CSMD1: variants seen among roughly 807,000 people sequenced by gnomAD.
CSMD1 encodes CUB and sushi domain-containing protein 1.
A neutral mutation model predicts 417.5 loss-of-function variants in CSMD1; 213 were observed. The ratio of observed to expected loss-of-function variants is 0.51; its 90% CI spans 0.46 to 0.57. The LOEUF (loss-of-function observed/expected upper bound fraction) is 0.57. Ranked by LOEUF, CSMD1 falls within the 20% of genes least tolerant of loss-of-function variation. The pLI, the probability that CSMD1 is intolerant of heterozygous loss-of-function variation, is 0.00. For synonymous variants in CSMD1, 2,862 were observed against 1,736.8 expected (o/e 1.65, Z -16.11); for missense variants, 6,923 against 4,529.7 (o/e 1.53, Z -15.17).
intron 11 of CSMD1, among the ~76,000 whole-genome samples, chr8:3,484,631 C>A (rs1472330501): frequency 3.9e-5 from 6 of 152,126 alleles, no homozygotes; most frequent in African/African-American, 1.4e-4. Context: ...TTGAAACCCA[C>A]ATGAAGAAAG....
intron 5 of CSMD1, among the ~76,000 whole-genome samples, chr8:3,785,005 C>T (rs571470553): frequency 1.3e-5 from 2 of 152,270 alleles, no homozygotes; most frequent in African/African-American, 2.4e-5. Flanking sequence ...GATTCTCTAG[C>T]TAAACAGTTA....
At chr8:3,919,289 C>G (rs997358282) in intron 5 of CSMD1, among the ~76,000 whole-genome samples, 2 of 150,994 alleles carry the variant, frequency 1.3e-5, no homozygotes, top group African/African-American at 4.9e-5. Context: ...GTTTGGGTAT[C>G]GCACTGAAGT....
At chr8:3,961,533 T>C (rs1485919936) in intron 5 of CSMD1, among the ~76,000 whole-genome samples, 1 of 152,186 alleles carries the variant, frequency 6.6e-6, no homozygotes, top group African/African-American at 2.4e-5. Flanking sequence ...GTGAAGACAA[T>C]AGGAAATCTA....
intron 54 of CSMD1, among the ~76,000 whole-genome samples, chr8:2,995,753 G>C (rs1453461014): frequency 6.6e-6 from 1 of 152,128 alleles, no homozygotes; most frequent in Admixed American, 6.5e-5. Context: ...CCACAACTTG[G>C]ATGAATCTCC....
At position 4,123,965 on chromosome 8, in the gene CSMD1, A is replaced by G. The variant is rs559134858; in HGVS notation, c.416-91866T>C. Among the ~76,000 whole-genome samples, 27 of 152,346 alleles carry G rather than the reference A, an allele frequency of 1.8e-4. No individual in the cohort carries two copies. The South Asian group carries it at 5.6e-3, about 32-fold the overall frequency. ...TTACAACTCAAAAAAGCTGGAAAAA[A>G]GTTTCTGATGTACAGGAAACAAAGA... On this transcript the variant is annotated intron_variant, in intron 3 of 69. Coordinates refer to ENST00000635120, the MANE Select transcript of CSMD1 (RefSeq NM_033225.6).
intron 3 of CSMD1, among the ~76,000 whole-genome samples, chr8:4,268,637 A>T (rs139862196): frequency 0.012 from 1,894 of 152,254 alleles, 46 homozygotes; most frequent in African/African-American, 0.044. Flanking sequence ...TTCACAGAAA[A>T]CCTAAAAATC....
intron 7 of CSMD1, among the ~76,000 whole-genome samples, chr8:3,628,921 G>A (rs1393833300): frequency 6.6e-6 from 1 of 151,106 alleles, no homozygotes; most frequent in Non-Finnish European, 1.5e-5. Flanking sequence ...AATAAGAGAA[G>A]GAATAAAAAG....
In CSMD1 at chr8:4,583,488, C is replaced by A. The variant is rs1297087751; in HGVS notation, c.302+53854G>T. 2.0e-5 allele frequency among the ~76,000 whole-genome samples: 3 copies of A among 152,164 alleles called. No individual in the cohort carries two copies. The East Asian group carries it at 5.8e-4, about 30-fold the overall frequency. On this transcript the variant is annotated intron_variant, in intron 2 of 69. Coordinates refer to ENST00000635120, the MANE Select transcript of CSMD1 (RefSeq NM_033225.6). ...ATGGGGCCTTGGAGAACCTTTATGT[C>A]TAGCTCAGGGATTGTAAATACACCA... is the stretch of plus-strand genomic sequence containing the variant.
chr8:4,008,731 C>T (rs1816326834), intron 4 of CSMD1, among the ~76,000 whole-genome samples: 1 of 151,068 alleles, frequency 6.6e-6, no homozygotes, highest in Non-Finnish European at 1.5e-5. Flanking sequence ...CTGCCTCAGC[C>T]TCCTGAGTAG....
intron 3 of CSMD1, among the ~76,000 whole-genome samples, chr8:4,205,891 C>G (rs899249388): frequency 1.3e-5 from 2 of 152,144 alleles, no homozygotes; most frequent in African/African-American, 4.8e-5. Flanking sequence ...ATGCACTGTG[C>G]AGAAAATCAG....
intron 7 of CSMD1, among the ~76,000 whole-genome samples, chr8:3,698,084 TATG>T (rs1800655866): frequency 6.6e-6 from 1 of 152,210 alleles, no homozygotes. Context: ...ATATAAACGG[TATG>T]ATGAATAATT....
intron 3 of CSMD1, among the ~76,000 whole-genome samples, chr8:4,196,770 C>A (rs1421664933): frequency 2.0e-5 from 3 of 152,070 alleles, no homozygotes; most frequent in African/African-American, 7.2e-5. Flanking sequence ...TCTGTAAACC[C>A]CTTTTTCCCA....
chr8:4,162,810 G>T (rs892767264), intron 3 of CSMD1, among the ~76,000 whole-genome samples: 12 of 152,142 alleles, frequency 7.9e-5, no homozygotes, highest in Non-Finnish European at 1.5e-4. Flanking sequence ...CATGCTATGG[G>T]TGTGGATAAA....
intron 38 of CSMD1, among the ~76,000 whole-genome samples, chr8:3,159,199 G>C (rs1189806722): frequency 6.6e-6 from 1 of 152,022 alleles, no homozygotes; most frequent in East Asian, 1.9e-4. Context: ...TTTCATCAGA[G>C]ACTACCAATA....
At position 3,904,970 on chromosome 8, in the gene CSMD1, G is replaced by A. The variant is rs149837710; in HGVS notation, c.818+92933C>T. Among the ~76,000 whole-genome samples, 671 of 152,068 alleles carry A rather than the reference G, an allele frequency of 4.4e-3. 5 individuals are homozygous for A. The highest frequency in any genetic ancestry group is 8.0e-3 in the Non-Finnish European group (543 of 67,992). ...CGTATTTTCCTTATCTGACATTTAA[G>A]GTCAAAGAGGAAGAAGTACCAAGTT... On this transcript the variant is annotated intron_variant, in intron 5 of 69. Transcript: ENST00000635120.
intron 5 of CSMD1, among the ~76,000 whole-genome samples, chr8:3,772,178 A>ATATATATATATT (rs2129059248): frequency 1.5e-5 from 1 of 66,060 alleles, no homozygotes; most frequent in East Asian, 4.1e-4. Context: ...ATATATATAT[A>ATATATATATATT]TATATATATA....
intron 3 of CSMD1, among the ~76,000 whole-genome samples, chr8:4,318,755 C>T (rs926670038): frequency 2.7e-5 from 4 of 148,594 alleles, no homozygotes; most frequent in Non-Finnish European, 5.9e-5. Flanking sequence ...TTGTACAGAT[C>T]AACCAATAGA....
chr8:4,911,048 CT>C, intron 1 of CSMD1, among the ~76,000 whole-genome samples: 1 of 152,328 alleles, frequency 6.6e-6, no homozygotes, highest in Middle Eastern at 3.4e-3. Context: ...TAAGATGTGA[CT>C]TGCTCCTCCT....
chr8:4,843,838 G>T (rs930471898), intron 1 of CSMD1, among the ~76,000 whole-genome samples: 2 of 152,194 alleles, frequency 1.3e-5, no homozygotes, highest in Admixed American at 1.3e-4. Context: ...CAGGAGAGCT[G>T]AACCCTGAAT....
Sources: gnomAD v4.1 joint callset for allele counts (sites outside exome capture counted in the v4.1 genomes callset) on GRCh38, gnomAD v4.1.1 for gene constraint, MANE v1.5 for transcripts, NCBI Gene and HGNC (gene_info 2026-07-23, HGNC 2026-07-21) for gene names.